Variants in ZC3H3 observed in about 807,000 individuals in gnomAD.
ZC3H3 encodes zinc finger CCCH domain-containing protein 3.
Under a neutral mutation model 77.3 loss-of-function variants are expected in ZC3H3, and 36 were observed. That is an observed-to-expected ratio of 0.47 (90% CI 0.36 to 0.61). ZC3H3 has a LOEUF of 0.61. ZC3H3 is among the 20% of genes least tolerant of loss of function. ZC3H3 has a pLI of 0.00. For synonymous variants in ZC3H3, 626 were observed against 555.2 expected, an observed-to-expected ratio of 1.13 and a Z score of -1.79; for missense variants, 1,331 against 1,312.2, an observed-to-expected ratio of 1.01 and a Z score of -0.22.
intron 4 of ZC3H3, among the ~76,000 whole-genome samples, chr8:143,491,193 G>A (rs1428048136): frequency 3.3e-5 from 5 of 152,200 alleles, no homozygotes; most frequent in African/African-American, 1.2e-4. Context: ...CGGCCTGAGG[G>A]GAATTCCACG....
intron 4 of ZC3H3, among the ~76,000 whole-genome samples, chr8:143,499,633 C>A (rs1821463811): frequency 6.6e-6 from 1 of 151,934 alleles, no homozygotes; most frequent in South Asian, 2.1e-4. Flanking sequence ...CCTTGAATGC[C>A]CTCTCCAGCA....
intron 3 of ZC3H3, among the ~76,000 whole-genome samples, chr8:143,515,426 C>A (rs1490755182): frequency 6.6e-6 from 1 of 152,270 alleles, no homozygotes; most frequent in African/African-American, 2.4e-5. Flanking sequence ...CAGCTTCCGG[C>A]AGACGGCACT....
At chr8:143,521,013 G>A (rs767800519) in intron 3 of ZC3H3, among the ~76,000 whole-genome samples, 8 of 152,216 alleles carry the variant, frequency 5.3e-5, no homozygotes, top group South Asian at 2.1e-4. Context: ...ACAGGTAGAC[G>A]GCCCGCCCGG....
chr8:143,478,886 C>T, intron 4 of ZC3H3, among the ~76,000 whole-genome samples: 1 of 152,240 alleles, frequency 6.6e-6, no homozygotes, highest in Admixed American at 6.5e-5. Flanking sequence ...AAACACCTTA[C>T]TGGAGTGTGA....
At position 143,483,308 on chromosome 8, in the gene ZC3H3, G is replaced by A. The variant is rs567972775; in HGVS notation, c.1716-7723C>T. Among the ~76,000 whole-genome samples, 24 of 152,362 alleles carry A rather than the reference G, an allele frequency of 1.6e-4. No homozygotes were observed. In the East Asian group the frequency reaches 3.3e-3, roughly 21 times the overall value. ...TGCATGTGTGTCCATGCGTGTGCGC[G>A]TGTGGGGCTGGCTGGAAGCCTCCCT... On this transcript the variant is annotated intron_variant, in intron 4 of 11. Coordinates refer to ENST00000262577, the MANE Select transcript of ZC3H3 (RefSeq NM_015117.3).
In ZC3H3 at chr8:143,488,977, C is replaced by T. The variant is rs180733916; in HGVS notation, c.1716-13392G>A. On this transcript the variant is annotated intron_variant, in intron 4 of 11. Transcript: ENST00000262577. Reference sequence around the variant, plus strand: ...CCATGTTTCTGCCCGTGGCTGCTGACGCTGACGAGGCCCGGAAGGGCCAGC... The same window carrying T: ...CCATGTTTCTGCCCGTGGCTGCTGATGCTGACGAGGCCCGGAAGGGCCAGC... Among the ~76,000 whole-genome samples the T allele has an allele frequency of 1.8e-4, 27 of 152,366 alleles. No homozygotes were observed. The East Asian group carries it at 1.9e-3, about 11-fold the overall frequency.
At position 143,525,429 on chromosome 8, in the gene ZC3H3, C is replaced by T. The variant is rs564439309; in HGVS notation, c.1561+10828G>A. ...CCCTGAAGAGGGACACATGGCCCAG[C>T]CCTTTCCAGAACAGCTGAGCCCAGA... On this transcript the variant is annotated intron_variant, in intron 3 of 11. Coordinates refer to ENST00000262577, the MANE Select transcript of ZC3H3 (RefSeq NM_015117.3). 4.6e-5 allele frequency among the ~76,000 whole-genome samples: 7 copies of T among 152,376 alleles called. 2 individuals carry two copies. Among genetic ancestry groups the T allele is most frequent in the African/African-American group, 1.7e-4 (7 of 41,594 alleles).
chr8:143,540,383 C>T (rs944836390), intron 1 of ZC3H3, among the ~76,000 whole-genome samples: 4 of 152,140 alleles, frequency 2.6e-5, no homozygotes, highest in African/African-American at 4.8e-5. Flanking sequence ...CAAGCCACCA[C>T]GCCCATCTCA....
intron 3 of ZC3H3, among the ~76,000 whole-genome samples, chr8:143,529,994 A>T (rs1822549502): frequency 6.6e-6 from 1 of 152,132 alleles, no homozygotes; most frequent in Non-Finnish European, 1.5e-5. Flanking sequence ...TCCACTTCTC[A>T]TCTGCAAATG....
At chr8:143,514,211 G>A (rs1007457654) in intron 3 of ZC3H3, among the ~76,000 whole-genome samples, 1 of 152,156 alleles carries the variant, frequency 6.6e-6, no homozygotes. Flanking sequence ...GGGGCAGTGA[G>A]GTCAAACAGG....
At chr8:143,539,354 G>C (rs200148069) in intron 1 of ZC3H3, 34 bp from the exon 2 acceptor site, 1 of 1,551,238 alleles carries the variant, frequency 6.4e-7, no homozygotes, top group Non-Finnish European at 8.7e-7. Flanking sequence ...CAGTTAGCCA[G>C]AGGGTAACCG....
chr8:143,541,324 C>A, intron 1 of ZC3H3, 52 bp downstream of exon 1: 1 of 1,601,354 alleles, frequency 6.2e-7, no homozygotes, highest in South Asian at 1.1e-5. Context: ...GGACCCGCCG[C>A]GAGGTGAGGG....
intron 9 of ZC3H3, among the ~76,000 whole-genome samples, 178 bp downstream of exon 9, chr8:143,465,539 T>C (rs1009302428): frequency 6.6e-6 from 1 of 152,182 alleles, no homozygotes; most frequent in Non-Finnish European, 1.5e-5. Flanking sequence ...GTTGGTGCTG[T>C]GCAACCCCGG....
Sources: allele counts gnomAD v4.1 joint callset (sites outside exome capture counted in the v4.1 genomes callset), GRCh38; gene constraint gnomAD v4.1.1; transcripts MANE v1.5; gene names NCBI Gene and HGNC (gene_info 2026-07-23, HGNC 2026-07-21).